DERA: variants seen among roughly 807,000 people sequenced by gnomAD.
DERA encodes the protein 2-deoxy-D-ribose 5-phosphate aldolase.
Under a neutral mutation model 41.1 loss-of-function variants are expected in DERA, and 15 were observed. That is an observed-to-expected ratio of 0.37 (90% CI 0.24 to 0.56). The LOEUF (loss-of-function observed/expected upper bound fraction) is 0.56. Ranked by LOEUF, DERA falls within the 20% of genes least tolerant of loss-of-function variation. The pLI is 0.81. For synonymous variants in DERA, 139 were observed against 137.4 expected (o/e 1.01, Z -0.08); for missense variants, 396 against 403.4 (o/e 0.98, Z 0.16).
chr12:15,961,328 T>C (rs1012953162), intron 4 of DERA, among the ~76,000 whole-genome samples: 4 of 152,122 alleles, frequency 2.6e-5, no homozygotes, highest in Non-Finnish European at 5.9e-5. Flanking sequence ...TAGACAGATA[T>C]AAAATTAGAT....
chr12:16,033,128 A>G (rs1033813330), intron 7 of DERA: 1 of 153,372 alleles, frequency 6.5e-6, no homozygotes, highest in Admixed American at 6.5e-5. Context: ...ATGGGAAACA[A>G]TCTTTTCCTG....
intron 6 of DERA, among the ~76,000 whole-genome samples, chr12:16,015,500 G>C (rs1948975371): frequency 6.6e-6 from 1 of 152,160 alleles, no homozygotes; most frequent in African/African-American, 2.4e-5. Context: ...TGTCATGATT[G>C]CAAGTTTCCA....
chr12:16,011,057 A>G lies in DERA; in HGVS notation c.638-21485A>G, dbSNP rs781268740. ...GCTTTGTTCAGTAAAATGTATTTCT[A>G]AATCCATTTTAAGCAGCTATTTCTT... On this transcript the variant is annotated intron_variant, in intron 6 of 8. Coordinates refer to ENST00000428559, the MANE Select transcript of DERA (RefSeq NM_015954.4). This position sits in a 1 kb window ranked among gnomAD's most constrained non-coding sequence, Gnocchi z 4.7. Among the ~76,000 whole-genome samples the G allele has an allele frequency of 6.6e-6, 1 of 152,186 alleles. No individual in the cohort carries two copies. Among genetic ancestry groups the G allele is most frequent in the Non-Finnish European group, 1.5e-5 (1 of 68,026 alleles).
rs1565588788 is a variant in DERA at position 15,936,959 on chromosome 12, C to CCTGTCCTGTCCTGTCCTGTCCCGTCCCGT, written c.32-19976_32-19975insTGTCCTGTCCTGTCCTGTCCCGTCCCGTC. On this transcript the variant is annotated intron_variant, in intron 1 of 8. Transcript: ENST00000428559. This position sits in a 1 kb window ranked among gnomAD's most constrained non-coding sequence, Gnocchi z 4.6. ...TCTTGTCCTGTCCCGTCCTGTCCTG[C>CCTGTCCTGTCCTGTCCTGTCCCGTCCCGT]CCTGCCCTGCCCTGTCTTGTCTTTC... Among the ~76,000 whole-genome samples the CCTGTCCTGTCCTGTCCTGTCCCGTCCCGT allele has an allele frequency of 1.3e-4, 18 of 139,772 alleles. No homozygotes were observed. Among genetic ancestry groups the CCTGTCCTGTCCTGTCCTGTCCCGTCCCGT allele is most frequent in the Admixed American group, 1.0e-3 (14 of 13,872 alleles). The allele number at this position is 139,772 out of a possible 152,430, so 91.7% of individuals were successfully genotyped here. A position where few individuals can be genotyped will look rare whatever the true frequency, so the allele number is the denominator to read the frequency against.
At chr12:16,033,771 T>C (rs1241859640) in intron 7 of DERA, among the ~76,000 whole-genome samples, 2 of 152,146 alleles carry the variant, frequency 1.3e-5, no homozygotes, top group Admixed American at 6.5e-5. Flanking sequence ...TATTTTGGAA[T>C]AGTGACCTTT....
chr12:16,034,110 G>GC (rs1264884413), intron 7 of DERA, among the ~76,000 whole-genome samples: 7 of 152,134 alleles, frequency 4.6e-5, no homozygotes, highest in African/African-American at 1.4e-4. Flanking sequence ...AGATGCCTGG[G>GC]CCCCCATCCC....
In DERA at chr12:16,026,453, CA is replaced by C. The variant is rs1411471636; in HGVS notation, c.638-6085del. The stretch of plus-strand genomic sequence containing the variant: ...AACTTAGGTGAAATGGATCAATCCT[CA>C]AAAGACATAAACAACCAAAACTCAC... On this transcript the variant is annotated intron_variant, in intron 6 of 8. Coordinates refer to ENST00000428559, the MANE Select transcript of DERA (RefSeq NM_015954.4). The surrounding 1 kb of genome is among the most constrained non-coding windows in gnomAD (Gnocchi z 4.4). Among the ~76,000 whole-genome samples the C allele has an allele frequency of 2.6e-5, 4 of 151,214 alleles. No homozygotes were observed. Among genetic ancestry groups the C allele is most frequent in the Non-Finnish European group, 4.4e-5 (3 of 67,718 alleles).
chr12:15,921,551 A>C lies in DERA; in HGVS notation c.31+10137A>C, dbSNP rs192396986. On this transcript the variant is annotated intron_variant, in intron 1 of 8. Coordinates refer to ENST00000428559, the MANE Select transcript of DERA (RefSeq NM_015954.4). The surrounding 1 kb of genome is among the most constrained non-coding windows in gnomAD (Gnocchi z 5.3). ...CTATTGTATTTGGTGAAGGAGCTCAAGATCTGTATATTGTGGTATTTTGAG... is the reference window on the plus strand; with the variant it reads ...CTATTGTATTTGGTGAAGGAGCTCACGATCTGTATATTGTGGTATTTTGAG... Among the ~76,000 whole-genome samples, 2 of 152,324 alleles carry C rather than the reference A, an allele frequency of 1.3e-5. No homozygotes were observed. The highest frequency in any genetic ancestry group is 4.8e-5 in the African/African-American group (2 of 41,568).
chr12:15,973,262 C>G (rs1269051570), intron 5 of DERA, among the ~76,000 whole-genome samples: 2 of 152,126 alleles, frequency 1.3e-5, no homozygotes, highest in Admixed American at 1.3e-4. Context: ...CTTTCACTAC[C>G]CCTGAAAACC....
rs1948563815 is a variant in DERA at position 15,959,112 on chromosome 12, A to G, written c.278-717A>G. 6.6e-6 allele frequency among the ~76,000 whole-genome samples: 1 copy of G among 152,136 alleles called. No homozygotes were observed. The highest frequency in any genetic ancestry group is 1.5e-5 in the Non-Finnish European group (1 of 68,016). ...CCAATGCAGGTCTTTTATCCCAAAT[A>G]AACACGTTTAGGTTTGTAGGTAACA... On this transcript the variant is annotated intron_variant, in intron 3 of 8. Transcript: ENST00000428559. The surrounding 1 kb of genome is among the most constrained non-coding windows in gnomAD (Gnocchi z 4.5).
chr12:15,966,309 C>G lies in DERA; in HGVS notation c.508+3362C>G, dbSNP rs2136152209. On this transcript the variant is annotated intron_variant, in intron 5 of 8. Transcript: ENST00000428559. The surrounding 1 kb of genome is among the most constrained non-coding windows in gnomAD (Gnocchi z 5.1). ...CAAAACCCTATCTCTACTAAATATA[C>G]AAAGATTCGTTGGGCATGGTGGCAC... Among the ~76,000 whole-genome samples, 1 of 152,144 alleles carries G rather than the reference C, an allele frequency of 6.6e-6. No homozygotes were observed. The highest frequency in any genetic ancestry group is 3.4e-3 in the Middle Eastern group (1 of 294).
rs1241358975 is a variant in DERA at position 15,913,170 on chromosome 12, A to G, written c.31+1756A>G. 6.6e-6 allele frequency among the ~76,000 whole-genome samples: 1 copy of G among 152,250 alleles called. No homozygotes were observed. Among genetic ancestry groups the G allele is most frequent in the East Asian group, 1.9e-4 (1 of 5,198 alleles). ...ACCATTTTTAAATTTATTTATTTGC[A>G]GTAATTAGAATCAATCACTTCCATT... On this transcript the variant is annotated intron_variant, in intron 1 of 8. Transcript: ENST00000428559. The surrounding 1 kb of genome is among the most constrained non-coding windows in gnomAD (Gnocchi z 4.5).
At position 15,972,845 on chromosome 12, in the gene DERA, TAAAG is replaced by T. The variant is rs765408205; in HGVS notation, c.509-9459_509-9456del. 4.6e-5 allele frequency among the ~76,000 whole-genome samples: 7 copies of T among 152,094 alleles called. No individual in the cohort carries two copies. Among genetic ancestry groups the T allele is most frequent in the Admixed American group, 2.6e-4 (4 of 15,278 alleles). ...GCTGGACTTGGAAGTTAATCTTAAATAAAGAAAACTAAAATGCTATCGATGCAAG... is the reference window on the plus strand; with the variant it reads ...GCTGGACTTGGAAGTTAATCTTAAATAAAACTAAAATGCTATCGATGCAAG... On this transcript the variant is annotated intron_variant, in intron 5 of 8. Coordinates refer to ENST00000428559, the MANE Select transcript of DERA (RefSeq NM_015954.4). The surrounding 1 kb of genome is among the most constrained non-coding windows in gnomAD (Gnocchi z 4.4).
At position 16,031,455 on chromosome 12, in the gene DERA, G is replaced by A. The variant is rs537177521; in HGVS notation, c.638-1087G>A. ...CACAGATTCCATAGGTTAGGGCCAT[G>A]AATTTGCACACAAATCACCTAGGAA... On this transcript the variant is annotated intron_variant, in intron 6 of 8. Coordinates refer to ENST00000428559, the MANE Select transcript of DERA (RefSeq NM_015954.4). 5.3e-5 allele frequency among the ~76,000 whole-genome samples: 8 copies of A among 152,310 alleles called. No individual in the cohort carries two copies. The South Asian group carries it at 6.2e-4, about 12-fold the overall frequency.
chr12:16,030,148 G>T (rs12227432), intron 6 of DERA, among the ~76,000 whole-genome samples: 8,651 of 149,990 alleles, frequency 0.058, 638 homozygotes, highest in East Asian at 0.4. Context: ...TGGCCAGGCT[G>T]GTCTTGAACT....
At chr12:15,912,290 C>G (rs1297791349) in intron 1 of DERA, among the ~76,000 whole-genome samples, 1 of 152,100 alleles carries the variant, frequency 6.6e-6, no homozygotes, top group Non-Finnish European at 1.5e-5. Flanking sequence ...TCCATTTAAC[C>G]CTGAGTGGAC....
intron 6 of DERA, among the ~76,000 whole-genome samples, chr12:16,028,894 T>C (rs1415808553): frequency 2.6e-5 from 4 of 152,164 alleles, no homozygotes; most frequent in Non-Finnish European, 5.9e-5. Flanking sequence ...GAGCAATCTA[T>C]GGAGGCCTGA....
intron 6 of DERA, among the ~76,000 whole-genome samples, chr12:16,028,192 A>G (rs1949065417): frequency 6.6e-6 from 1 of 152,202 alleles, no homozygotes; most frequent in Admixed American, 6.5e-5. Context: ...GGACTGGTGC[A>G]GAAAACACAC....
At chr12:15,997,430 G>A (rs1948845963) in intron 6 of DERA, among the ~76,000 whole-genome samples, 2 of 152,106 alleles carry the variant, frequency 1.3e-5, no homozygotes, top group Non-Finnish European at 2.9e-5. Flanking sequence ...GTTGAAGCAA[G>A]ACAAAGGTTA....
Sources: gnomAD v4.1 joint callset for allele counts (sites outside exome capture counted in the v4.1 genomes callset) on GRCh38, gnomAD v4.1.1 for gene constraint, Gnocchi (gnomAD v3.1) non-coding constraint, MANE v1.5 for transcripts, NCBI Gene and HGNC (gene_info 2026-07-23, HGNC 2026-07-21) for gene names.